Variants in KLHL25 observed in about 807,000 individuals in gnomAD.
KLHL25 encodes kelch-like protein 25.
In KLHL25, 41 loss-of-function variants were observed where a neutral mutation model predicts 30.0. The ratio of observed to expected loss-of-function variants is 1.37; its 90% CI spans 1.07 to 1.78. The LOEUF (loss-of-function observed/expected upper bound fraction) is 1.78. KLHL25 is among the 40% of genes most tolerant of loss of function. KLHL25 has a pLI of 0.00. For synonymous variants in KLHL25, 399 were observed against 355.3 expected, an observed-to-expected ratio of 1.12 and a Z score of -1.38; for missense variants, 971 against 824.5, an observed-to-expected ratio of 1.18 and a Z score of -2.18.
At position 85,768,830 on chromosome 15, in the gene KLHL25, G is replaced by A. The variant is rs2089645548; in HGVS notation, c.981C>T (p.Pro327=). The A allele has an allele frequency of 1.9e-6, 3 of 1,613,360 alleles. No homozygotes were observed. The highest frequency in any genetic ancestry group is 1.3e-5 in the African/African-American group (1 of 75,076). The change falls in exon 2 of 3, where the codon CCC becomes CCT. Residue 327 remains proline (P), a synonymous_variant. Coordinates refer to ENST00000337975, the MANE Select transcript of KLHL25 (RefSeq NM_022480.4). ...AKEIIPKADL[P]SPRKEFSASA... is the part of the protein sequence containing the mutation. ...AGGCGCTGAACTCCTTCCGGGGGCT[G>A]GGCAGGTCGGCCTTGGGGATGATCT... is the stretch of plus-strand genomic sequence containing the variant.
chr15:85,766,499 C>G (rs2089626641), intron 2 of KLHL25, among the ~76,000 whole-genome samples: 3 of 152,236 alleles, frequency 2.0e-5, no homozygotes, highest in African/African-American at 7.2e-5. Flanking sequence ...GGCAGGACCT[C>G]ATGCCGATCC....
chr15:85,766,471 C>T (rs188384211), intron 2 of KLHL25, among the ~76,000 whole-genome samples: 56 of 152,318 alleles, frequency 3.7e-4, no homozygotes, highest in Admixed American at 3.5e-3. Context: ...CCAGGCTGGC[C>T]GGGATACCCT....
intron 1 of KLHL25, among the ~76,000 whole-genome samples, chr15:85,776,749 C>T (rs1255748149): frequency 6.6e-6 from 1 of 151,762 alleles, no homozygotes; most frequent in Non-Finnish European, 1.5e-5. Context: ...CACAGTGAAA[C>T]CCTGCCTCTA....
chr15:85,791,432 T>A (rs962120558), intron 1 of KLHL25, among the ~76,000 whole-genome samples: 5 of 152,088 alleles, frequency 3.3e-5, no homozygotes, highest in African/African-American at 1.2e-4. Context: ...GAGGCAGAAG[T>A]TGCAGTGAAC....
intron 1 of KLHL25, among the ~76,000 whole-genome samples, chr15:85,777,236 C>CA (rs2089715590): frequency 6.6e-6 from 1 of 152,208 alleles, no homozygotes; most frequent in Admixed American, 6.5e-5. Context: ...GTCCCTGCAT[C>CA]AAATAGCTCC....
intron 2 of KLHL25, among the ~76,000 whole-genome samples, chr15:85,766,374 G>T (rs1228574111): frequency 6.6e-6 from 1 of 152,202 alleles, no homozygotes; most frequent in African/African-American, 2.4e-5. Flanking sequence ...AAGGGCTAGT[G>T]GCACGCACCC....
At chr15:85,787,306 C>T (rs531116991) in intron 1 of KLHL25, among the ~76,000 whole-genome samples, 229 of 152,186 alleles carry the variant, frequency 1.5e-3, no homozygotes, top group African/African-American at 5.1e-3. Flanking sequence ...ATTAGCTGGG[C>T]GTGGTGGCGC....
rs146905712 is a variant in KLHL25 at position 85,769,082 on chromosome 15, G to A, written c.729C>T (p.Ser243=). The change falls in exon 2 of 3, where the codon TCC becomes TCT. Residue 243 remains serine (S), a synonymous_variant. Transcript: ENST00000337975. ...TGGAGACGGCCTCCTGCAGGCAGTC[G>A]GACGGCAGCAAGGCCAGACGCACGC... ...LRSVRLALLP[S]DCLQEAVSSE... 83 of 1,606,358 alleles carry A rather than the reference G, an allele frequency of 5.2e-5. No individual in the cohort carries two copies. The highest frequency in any genetic ancestry group is 6.3e-5 in the Non-Finnish European group (74 of 1,175,360).
rs1169806758 is a variant in KLHL25, at chr15:85,769,707, TG to T, written c.103del (p.His35ThrfsTer118). On this transcript the variant is annotated frameshift_variant, in exon 2 of 3. Coordinates refer to ENST00000337975, the MANE Select transcript of KLHL25 (RefSeq NM_022480.4). LOFTEE classifies it high-confidence loss of function. Reference protein sequence around the residue: ...KASHPDCVLAHLNTLRKHCMF... With the variant: ...KASHPDCVLAXLNTLRKHCMF... Reference sequence around the variant, plus strand: ...GCAGTGCTTGCGAAGCGTGTTGAGGTGGGCCAGCACACAGTCCGGGTGGGAG... The same window carrying T: ...GCAGTGCTTGCGAAGCGTGTTGAGGTGGCCAGCACACAGTCCGGGTGGGAG... 6.2e-7 allele frequency: 1 copy of T among 1,613,698 alleles called. No individual in the cohort carries two copies. The highest frequency in any genetic ancestry group is 2.2e-5 in the East Asian group (1 of 44,888).
intron 1 of KLHL25, among the ~76,000 whole-genome samples, chr15:85,774,670 G>A (rs1467683639): frequency 6.6e-6 from 1 of 152,060 alleles, no homozygotes; most frequent in Non-Finnish European, 1.5e-5. Flanking sequence ...CTAACCAAGA[G>A]TTAGCAAGGC....
chr15:85,792,502 G>A (rs1294526723), intron 1 of KLHL25, among the ~76,000 whole-genome samples: 1 of 152,188 alleles, frequency 6.6e-6, no homozygotes, highest in Admixed American at 6.5e-5. Context: ...CAGACAATGG[G>A]CTGGTCTTTG....
chr15:85,768,694 G>T lies in KLHL25; in HGVS notation c.1117C>A (p.Pro373Thr). ...TVHEEWSKAA[P>T]MLIARFGHGS... ...TGGCCAAAGCGGGCAATCAGCATGG[G>T]CGCCGCCTTGGACCATTCCTCATGT... The change falls in exon 2 of 3, where the codon CCC (proline) becomes ACC (threonine). Residue 373 changes from proline (P) to threonine (T), a missense_variant. Coordinates refer to ENST00000337975, the MANE Select transcript of KLHL25 (RefSeq NM_022480.4). The T allele has an allele frequency of 1.9e-6, 3 of 1,613,434 alleles. No homozygotes were observed. The highest frequency in any genetic ancestry group is 1.1e-5 in the South Asian group (1 of 91,084).
intron 1 of KLHL25, among the ~76,000 whole-genome samples, chr15:85,782,022 C>G (rs1214094018): frequency 1.3e-5 from 2 of 151,696 alleles, no homozygotes; most frequent in Admixed American, 1.3e-4. Flanking sequence ...AAAGCCTTCT[C>G]TCACCCACAG....
Position 85,768,617 on chromosome 15 carries a change from G to A in KLHL25, c.1194C>T (p.Ser398=). Residue 398 remains serine, a synonymous_variant, in exon 2 of 3, where the codon TCC becomes TCT. Coordinates refer to ENST00000337975, the MANE Select transcript of KLHL25 (RefSeq NM_022480.4). ...GCGAGGCCGGGAAGACCCCTGCCAG[G>A]GATGTGTGTCCCCCCACCACATAGA... ...NCLYVVGGHT[S]LAGVFPASPS... is the part of the protein sequence containing the mutation. 6.2e-7 allele frequency: 1 copy of A among 1,611,880 alleles called. No homozygotes were observed. Among genetic ancestry groups the A allele is most frequent in the Non-Finnish European group, 8.5e-7 (1 of 1,178,510 alleles).
At chr15:85,792,636 C>T (rs77467739) in intron 1 of KLHL25, among the ~76,000 whole-genome samples, 159 of 152,308 alleles carry the variant, frequency 1.0e-3, no homozygotes, top group African/African-American at 3.7e-3. Flanking sequence ...CGAGAGCAAA[C>T]CTTCTACCAC....
At chr15:85,779,266 G>T (rs1348002796) in intron 1 of KLHL25, among the ~76,000 whole-genome samples, 1 of 152,094 alleles carries the variant, frequency 6.6e-6, no homozygotes, top group Non-Finnish European at 1.5e-5. Context: ...ACACCCAGGA[G>T]CTCCACTGTG....
At chr15:85,779,342 C>A (rs910976858) in intron 1 of KLHL25, among the ~76,000 whole-genome samples, 1 of 152,202 alleles carries the variant, frequency 6.6e-6, no homozygotes. Context: ...TAGAACCACA[C>A]TGCCTGACCA....
chr15:85,793,495 T>G (rs1051249643), intron 1 of KLHL25, among the ~76,000 whole-genome samples: 30 of 152,198 alleles, frequency 2.0e-4, no homozygotes, highest in African/African-American at 6.5e-4. Flanking sequence ...TGTCCTACTC[T>G]TCCCCAGACC....
chr15:85,765,139 A>G (rs2089611325), intron 2 of KLHL25, among the ~76,000 whole-genome samples: 1 of 152,166 alleles, frequency 6.6e-6, no homozygotes, highest in South Asian at 2.1e-4. Flanking sequence ...GGGCCCCCTC[A>G]CACTGCCCAG....
Sources: allele counts gnomAD v4.1 joint callset (sites outside exome capture counted in the v4.1 genomes callset), GRCh38; gene constraint gnomAD v4.1.1; transcripts MANE v1.5; gene names NCBI Gene and HGNC (gene_info 2026-07-23, HGNC 2026-07-21).